Variants in ZFHX3 observed in about 807,000 individuals in gnomAD.
ZFHX3 encodes the protein zinc finger homeobox protein 3.
Under a neutral mutation model 279.1 loss-of-function variants are expected in ZFHX3, and 42 were observed. The observed-to-expected ratio is 0.15, with a 90% CI of 0.12 to 0.19. ZFHX3 has a LOEUF of 0.19. Among genes scored for constraint, ZFHX3 ranks in the 10% least tolerant of loss-of-function variants. The pLI is 1.00. For synonymous variants in ZFHX3, 2,293 were observed against 1,957.8 expected (o/e 1.17, Z -4.52); for missense variants, 4,981 against 4,754.0 (o/e 1.05, Z -1.40).
chr16:73,311,367 G>C (rs1435859528), intron 4 of ZFHX3, among the ~76,000 whole-genome samples: 7 of 152,122 alleles, frequency 4.6e-5, no homozygotes, highest in Non-Finnish European at 7.3e-5. Flanking sequence ...GGCCGAGGCA[G>C]GCAGATCACC....
intron 1 of ZFHX3, among the ~76,000 whole-genome samples, chr16:73,788,593 A>G (rs1440193656): frequency 6.6e-6 from 1 of 152,142 alleles, no homozygotes; most frequent in Non-Finnish European, 1.5e-5. Context: ...GCTTTTTAGT[A>G]TCCCCAGCCC....
intron 2 of ZFHX3, among the ~76,000 whole-genome samples, chr16:73,626,949 A>G (rs926869052): frequency 3.9e-5 from 6 of 152,176 alleles, no homozygotes; most frequent in African/African-American, 1.4e-4. Context: ...ATAAAGAGGG[A>G]CTTATACTTC....
chr16:73,425,351 A>T (rs1363087121), intron 3 of ZFHX3, among the ~76,000 whole-genome samples: 1 of 152,220 alleles, frequency 6.6e-6, no homozygotes, highest in African/African-American at 2.4e-5. Flanking sequence ...ATACATACAT[A>T]GGTACCTTAC....
intron 3 of ZFHX3, among the ~76,000 whole-genome samples, chr16:73,346,025 T>A (rs1371057742): frequency 6.6e-6 from 1 of 152,186 alleles, no homozygotes; most frequent in African/African-American, 2.4e-5. Context: ...CAGGCCAGAA[T>A]GAGGGAGCTG....
At chr16:73,648,549 G>T (rs960297748) in intron 2 of ZFHX3, among the ~76,000 whole-genome samples, 1 of 151,924 alleles carries the variant, frequency 6.6e-6, no homozygotes, top group Non-Finnish European at 1.5e-5. Context: ...ACAACCATGC[G>T]CAGCTAATTT....
chr16:73,809,394 G>A (rs1472498843), intron 1 of ZFHX3: 1 of 152,366 alleles, frequency 6.6e-6, no homozygotes. Context: ...GTAGGGAAAA[G>A]ATGGCCTGAC....
At chr16:72,956,504 G>A (rs778537797) in intron 2 of ZFHX3, among the ~76,000 whole-genome samples, 20 of 152,290 alleles carry the variant, frequency 1.3e-4, no homozygotes, top group Admixed American at 3.3e-4. Context: ...CAAAGTGGCT[G>A]TGGTTCGTTC....
intron 2 of ZFHX3, among the ~76,000 whole-genome samples, chr16:73,568,996 A>G (rs1310594100): frequency 6.6e-6 from 1 of 152,028 alleles, no homozygotes. Flanking sequence ...CAGGCAGTTC[A>G]TCTGATTCGC....
At chr16:73,736,488 A>T (rs1052527474) in intron 1 of ZFHX3, among the ~76,000 whole-genome samples, 2 of 152,230 alleles carry the variant, frequency 1.3e-5, no homozygotes, top group African/African-American at 2.4e-5. Flanking sequence ...ACATACAAAC[A>T]CTGAATTTCA....
At chr16:73,527,549 T>C (rs2019716558) in intron 2 of ZFHX3, among the ~76,000 whole-genome samples, 1 of 152,164 alleles carries the variant, frequency 6.6e-6, no homozygotes, top group Admixed American at 6.5e-5. Context: ...CCCTTGAGTA[T>C]AGGAGGGACC....
chr16:73,796,369 C>G (rs1166441953), intron 1 of ZFHX3: 1 of 152,272 alleles, frequency 6.6e-6, no homozygotes, highest in Non-Finnish European at 1.5e-5. Flanking sequence ...AAGAAATGAA[C>G]CAATCTTGTC....
intron 1 of ZFHX3, among the ~76,000 whole-genome samples, chr16:73,779,594 T>G (rs1475299852): frequency 1.3e-5 from 2 of 152,178 alleles, no homozygotes. Flanking sequence ...CCTAATCTAC[T>G]AGGACCACGA....
At chr16:72,983,610 G>C (rs1962714078) in intron 1 of ZFHX3, among the ~76,000 whole-genome samples, 1 of 152,166 alleles carries the variant, frequency 6.6e-6, no homozygotes. Flanking sequence ...AGGAGGATGA[G>C]ATAGAAGGAT....
At chr16:73,863,152 G>A (rs1035666511) in intron 1 of ZFHX3, among the ~76,000 whole-genome samples, 2 of 152,224 alleles carry the variant, frequency 1.3e-5, no homozygotes, top group African/African-American at 4.8e-5. Flanking sequence ...GTTGCAGTGA[G>A]CGGAGATCGT....
upstream of ZFHX3, among the ~76,000 whole-genome samples, chr16:73,050,205 A>G (rs1241212747): frequency 6.6e-6 from 1 of 152,256 alleles, no homozygotes; most frequent in Non-Finnish European, 1.5e-5. Flanking sequence ...AAAGCTAGAA[A>G]GCCCAAAGAA....
intron 1 of ZFHX3, among the ~76,000 whole-genome samples, chr16:73,759,196 T>A (rs1270289583): frequency 1.3e-5 from 2 of 152,206 alleles, no homozygotes; most frequent in African/African-American, 2.4e-5. Context: ...TGGCCGCATA[T>A]TTTTATTGGC....
intron 3 of ZFHX3, among the ~76,000 whole-genome samples, chr16:73,426,884 G>A (rs569453659): frequency 1.3e-5 from 2 of 152,226 alleles, no homozygotes; most frequent in Non-Finnish European, 2.9e-5. Flanking sequence ...TTCCTTCCCC[G>A]AGTTCTGCCC....
At chr16:73,709,752 CAA>C (rs1472590535) in intron 1 of ZFHX3, among the ~76,000 whole-genome samples, 1 of 151,544 alleles carries the variant, frequency 6.6e-6, no homozygotes, top group East Asian at 1.9e-4. Context: ...ACAAAATTGC[CAA>C]AAGAGTCGAT....
intron 2 of ZFHX3, among the ~76,000 whole-genome samples, chr16:73,537,314 C>CTTTTTTTTTTTTTT: frequency 1.3e-5 from 1 of 77,598 alleles, no homozygotes; most frequent in Non-Finnish European, 2.5e-5. Context: ...CTTTCTTCTT[C>CTTTTTTTTTTTTTT]TTTTTTTTTT....
Sources: gnomAD v4.1 joint callset for allele counts (sites outside exome capture counted in the v4.1 genomes callset) on GRCh38, gnomAD v4.1.1 for gene constraint, MANE v1.5 for transcripts, NCBI Gene and HGNC (gene_info 2026-07-23, HGNC 2026-07-21) for gene names.